The following CA8 variants were observed in gnomAD, a reference collection of about 807,000 sequenced individuals.
CA8 encodes the protein carbonic anhydrase 8 (inactive).
CA8 carries 22 observed loss-of-function variants against 41.4 expected under a neutral mutation model. The observed-to-expected ratio is 0.53, with a 90% CI of 0.38 to 0.76. The LOEUF (loss-of-function observed/expected upper bound fraction) is 0.76, where lower values mean the gene tolerates loss of function less well. Among genes scored for constraint, CA8 ranks in the 30% least tolerant of loss-of-function variants. The probability of loss-of-function intolerance (pLI) is 0.00; values close to 1 mark genes in which losing one functional copy is unlikely to be tolerated. For missense variants in CA8, 270 were observed against 352.8 expected (o/e 0.77, Z 1.88); for synonymous variants, 121 against 130.6 (o/e 0.93, Z 0.50).
At chr8:60,206,439 C>T (rs149758202) in intron 8 of CA8, among the ~76,000 whole-genome samples, 36 of 152,186 alleles carry the variant, frequency 2.4e-4, no homozygotes, top group Middle Eastern at 6.8e-3. Flanking sequence ...GGACAAGATA[C>T]AAACCAAACA....
intron 3 of CA8, among the ~76,000 whole-genome samples, chr8:60,232,903 G>A (rs1807705696): frequency 4.6e-5 from 7 of 152,108 alleles, no homozygotes; most frequent in Admixed American, 4.6e-4. Flanking sequence ...TAAAGCCACG[G>A]TAAAATAATA....
intron 3 of CA8, among the ~76,000 whole-genome samples, chr8:60,259,225 T>C (rs1290060687): frequency 8.5e-5 from 13 of 152,192 alleles, no homozygotes. Context: ...TATCTGAAAA[T>C]ATATTGACAG....
At chr8:60,249,354 G>A (rs983118241) in intron 3 of CA8, among the ~76,000 whole-genome samples, 2 of 152,088 alleles carry the variant, frequency 1.3e-5, no homozygotes, top group African/African-American at 4.8e-5. Flanking sequence ...AATGTGAGAG[G>A]AAATATTTCC....
At chr8:60,243,278 T>C (rs1365975465) in intron 3 of CA8, among the ~76,000 whole-genome samples, 2 of 151,926 alleles carry the variant, frequency 1.3e-5, no homozygotes, top group Non-Finnish European at 2.9e-5. Flanking sequence ...CAGTCCTTCC[T>C]CCCTCCTCCT....
Position 60,232,220 on chromosome 8 carries a change from T to A in CA8, c.513+64A>T, listed in dbSNP as rs1028795533. ...AGCAATAAAATTGAGAATAAAAAAATTTTACAAAATGATTTAGAAATTAGC... is the reference window on the plus strand; with the variant it reads ...AGCAATAAAATTGAGAATAAAAAAAATTTACAAAATGATTTAGAAATTAGC... On this transcript the variant is annotated intron_variant, in intron 4 of 8. Transcript: ENST00000317995. 13 of 1,288,610 alleles carry A rather than the reference T, an allele frequency of 1.0e-5. No individual in the cohort carries two copies. In the East Asian group the frequency reaches 2.5e-4, roughly 25 times the overall value. 79.8% of individuals were successfully genotyped at this position (1,288,610 alleles called of 1,614,324 possible).
intron 3 of CA8, among the ~76,000 whole-genome samples, chr8:60,258,056 T>C (rs1395312041): frequency 6.6e-6 from 1 of 152,218 alleles, no homozygotes; most frequent in East Asian, 1.9e-4. Flanking sequence ...TCGCACGCCA[T>C]GCTGCTACAT....
chr8:60,264,569 G>C (rs1024993187), intron 3 of CA8, among the ~76,000 whole-genome samples: 8 of 152,236 alleles, frequency 5.3e-5, no homozygotes, highest in Non-Finnish European at 1.2e-4. Context: ...GTCACAGGCA[G>C]TAGAAAGGAG....
At position 60,222,638 on chromosome 8, in the gene CA8, A is replaced by G. The variant is rs1489185293; in HGVS notation, c.738+11T>C. 1 of 1,463,136 alleles carries G rather than the reference A, an allele frequency of 6.8e-7. No individual in the cohort carries two copies. Among genetic ancestry groups the G allele is most frequent in the South Asian group, 1.1e-5 (1 of 88,128 alleles). 90.6% of individuals were successfully genotyped at this position (1,463,136 alleles called of 1,614,324 possible). On this transcript the variant is annotated intron_variant, in intron 7 of 8. Coordinates refer to ENST00000317995, the MANE Select transcript of CA8 (RefSeq NM_004056.6). The stretch of plus-strand genomic sequence containing the variant: ...AACTTCACTCTGAAAGATTCAAAGT[A>G]GCACACTCACCTGTAGCTGGGATAT...
intron 8 of CA8, among the ~76,000 whole-genome samples, chr8:60,203,266 T>TA (rs1279884127): frequency 7.2e-5 from 11 of 151,750 alleles, no homozygotes; most frequent in South Asian, 6.2e-4. Context: ...AGATTGGAGA[T>TA]AAAAAAAAGA....
At chr8:60,219,929 T>A (rs1462780559) in intron 7 of CA8, among the ~76,000 whole-genome samples, 2 of 82,014 alleles carry the variant, frequency 2.4e-5, no homozygotes, top group Non-Finnish European at 4.7e-5. Flanking sequence ...AATCTTAACT[T>A]AAAAAAAAAA....
At chr8:60,217,914 T>G (rs975939312) in intron 7 of CA8, among the ~76,000 whole-genome samples, 80 of 152,334 alleles carry the variant, frequency 5.3e-4, no homozygotes, top group African/African-American at 1.9e-3. Flanking sequence ...AGCATGTTTC[T>G]TGAATTCAAA....
intron 8 of CA8, among the ~76,000 whole-genome samples, chr8:60,192,078 T>C (rs1215521445): frequency 6.6e-6 from 1 of 152,132 alleles, no homozygotes; most frequent in East Asian, 1.9e-4. Context: ...CTTTTCTTAC[T>C]TATATATTTT....
intron 8 of CA8, among the ~76,000 whole-genome samples, chr8:60,201,744 T>C (rs1396685830): frequency 1.3e-5 from 2 of 152,306 alleles, no homozygotes; most frequent in East Asian, 3.9e-4. Flanking sequence ...AAGTAAATAC[T>C]TCCATTTAAT....
intron 3 of CA8, among the ~76,000 whole-genome samples, chr8:60,263,672 C>T (rs925846001): frequency 6.6e-6 from 1 of 152,344 alleles, no homozygotes; most frequent in Admixed American, 6.5e-5. Flanking sequence ...CTGTAGTCCC[C>T]TGTATGAGCC....
intron 4 of CA8, among the ~76,000 whole-genome samples, chr8:60,231,031 G>A (rs571761074): frequency 1.4e-4 from 22 of 152,024 alleles, no homozygotes; most frequent in African/African-American, 4.8e-4. Context: ...TAATGAGATA[G>A]TACATTCTAC....
chr8:60,195,441 G>GT (rs1333692948), intron 8 of CA8, among the ~76,000 whole-genome samples: 1 of 152,222 alleles, frequency 6.6e-6, no homozygotes, highest in Non-Finnish European at 1.5e-5. Context: ...CAGTACTGAT[G>GT]TAAGTTCCAG....
intron 3 of CA8, among the ~76,000 whole-genome samples, chr8:60,242,253 T>C (rs1024457843): frequency 3.3e-5 from 5 of 152,362 alleles, no homozygotes; most frequent in Admixed American, 3.3e-4. Context: ...TGCCAAGAAC[T>C]GTTCTTTACA....
At chr8:60,194,109 C>A (rs1010143982) in intron 8 of CA8, among the ~76,000 whole-genome samples, 2 of 151,948 alleles carry the variant, frequency 1.3e-5, no homozygotes, top group African/African-American at 4.8e-5. Context: ...CTTAATAGCA[C>A]CCTGTTTTTT....
chr8:60,274,747 T>G (rs1804178943), intron 2 of CA8, among the ~76,000 whole-genome samples: 1 of 152,114 alleles, frequency 6.6e-6, no homozygotes, highest in Admixed American at 6.5e-5. Context: ...CAGCTTGATA[T>G]TGGACTTCCG....
Sources: allele counts gnomAD v4.1 joint callset (sites outside exome capture counted in the v4.1 genomes callset), GRCh38; gene constraint gnomAD v4.1.1; transcripts MANE v1.5; gene names NCBI Gene and HGNC (gene_info 2026-07-23, HGNC 2026-07-21).